The following CSNK1G3 variants were observed in gnomAD, a reference collection of about 807,000 sequenced individuals.
CSNK1G3 encodes the protein casein kinase I isoform gamma-3.
Under a neutral mutation model 64.3 loss-of-function variants are expected in CSNK1G3, and 23 were observed. The observed-to-expected ratio is 0.36, with a 90% CI of 0.26 to 0.51. CSNK1G3 has a LOEUF of 0.51. Among genes scored for constraint, CSNK1G3 ranks in the 20% least tolerant of loss-of-function variants. CSNK1G3 has a pLI of 0.96. For missense variants in CSNK1G3, 357 were observed against 510.5 expected (o/e 0.70, Z 2.90); for synonymous variants, 158 against 162.2 (o/e 0.97, Z 0.20).
intron 1 of CSNK1G3, among the ~76,000 whole-genome samples, chr5:123,531,775 T>C (rs1779974526): frequency 6.6e-6 from 1 of 151,942 alleles, no homozygotes; most frequent in Non-Finnish European, 1.5e-5. Context: ...ATATCTGTTA[T>C]TTTTAGTAGT....
Position 123,567,859 on chromosome 5 carries a change from C to T in CSNK1G3, c.290-5534C>T, listed in dbSNP as rs771762293. 6.6e-5 allele frequency among the ~76,000 whole-genome samples: 10 copies of T among 152,122 alleles called. No individual in the cohort carries two copies. In the East Asian group the frequency reaches 7.7e-4, roughly 12 times the overall value. On this transcript the variant is annotated intron_variant, in intron 4 of 12. Coordinates refer to ENST00000345990, the Ensembl canonical transcript of CSNK1G3. Reference sequence around the variant, plus strand: ...TTATTAATCAAAATAGGAACCATTACGGTCAACACATTTTTGCCAATAAGA... The same window carrying T: ...TTATTAATCAAAATAGGAACCATTATGGTCAACACATTTTTGCCAATAAGA...
chr5:123,601,240 A>G (rs1794446487), intron 10 of CSNK1G3, among the ~76,000 whole-genome samples: 1 of 152,208 alleles, frequency 6.6e-6, no homozygotes, highest in Non-Finnish European at 1.5e-5. Flanking sequence ...TATTATTTAC[A>G]GTAGTATATC....
At position 123,598,124 on chromosome 5, in the gene CSNK1G3, A is replaced by C. The variant is rs139034903; in HGVS notation, c.1087-6600A>C. ...TTTTTCCATTCACGAGACTAAGAAT[A>C]ATATTCAGATATCTACTACCTTTAT... On this transcript the variant is annotated intron_variant, in intron 10 of 12. Transcript: ENST00000345990. 5.9e-3 allele frequency among the ~76,000 whole-genome samples: 891 copies of C among 152,266 alleles called. 9 individuals are homozygous for C. The highest frequency in any genetic ancestry group is 0.021 in the African/African-American group (855 of 41,546).
intron 10 of CSNK1G3, among the ~76,000 whole-genome samples, chr5:123,603,894 T>C (rs920519499): frequency 6.6e-6 from 1 of 152,094 alleles, no homozygotes; most frequent in Non-Finnish European, 1.5e-5. Flanking sequence ...GGAATATAGA[T>C]TTTTTATTCT....
intron 1 of CSNK1G3, among the ~76,000 whole-genome samples, chr5:123,536,256 T>A (rs1422524217): frequency 1.3e-5 from 2 of 152,074 alleles, no homozygotes; most frequent in Non-Finnish European, 2.9e-5. Flanking sequence ...GGTATGGATA[T>A]CCCAAGGGAT....
chr5:123,527,113 T>C (rs2150050417), intron 1 of CSNK1G3, among the ~76,000 whole-genome samples: 1 of 152,282 alleles, frequency 6.6e-6, no homozygotes, highest in South Asian at 2.1e-4. Context: ...ACCAGCAATA[T>C]TGGGACAGTA....
intron 3 of CSNK1G3, among the ~76,000 whole-genome samples, chr5:123,554,902 T>C (rs1784348433): frequency 6.6e-6 from 1 of 152,224 alleles, no homozygotes; most frequent in Non-Finnish European, 1.5e-5. Context: ...GGCTGAGCTT[T>C]CCTTGTCTGT....
chr5:123,586,457 T>G (rs922056119), intron 6 of CSNK1G3, among the ~76,000 whole-genome samples: 4 of 152,228 alleles, frequency 2.6e-5, no homozygotes, highest in Non-Finnish European at 5.9e-5. Context: ...ATCCCCACTT[T>G]CATTAGTGGA....
intron 12 of CSNK1G3, among the ~76,000 whole-genome samples, chr5:123,607,813 C>T (rs1023197663): frequency 3.9e-5 from 6 of 152,182 alleles, no homozygotes; most frequent in Non-Finnish European, 7.3e-5. Flanking sequence ...AGGTAGGTTA[C>T]AGAAATCCTC....
intron 10 of CSNK1G3, among the ~76,000 whole-genome samples, chr5:123,595,432 T>C (rs1295136301): frequency 6.6e-6 from 1 of 152,132 alleles, no homozygotes; most frequent in Non-Finnish European, 1.5e-5. Context: ...GGTATTAAAC[T>C]TGACTTTCCA....
chr5:123,594,922 G>A lies in CSNK1G3; in HGVS notation c.1086+3508G>A, dbSNP rs555398112. ...GATAACTGCACCATGATTCAGAATA[G>A]TAAGGGTATTTTAAATTTCCTTTTA... On this transcript the variant is annotated intron_variant, in intron 10 of 12. Coordinates refer to ENST00000345990, the Ensembl canonical transcript of CSNK1G3. The A allele has an allele frequency of 4.4e-4, 328 of 748,372 alleles. 6 individuals carry two copies. In the South Asian group the frequency reaches 6.1e-3, roughly 14 times the overall value. 46.4% of individuals were successfully genotyped at this position (748,372 alleles called of 1,614,324 possible). A position where few individuals can be genotyped will look rare whatever the true frequency, so the allele number is the denominator to read the frequency against.
At chr5:123,611,623 T>G (rs907838169) in intron 12 of CSNK1G3, among the ~76,000 whole-genome samples, 5 of 152,224 alleles carry the variant, frequency 3.3e-5, no homozygotes, top group Admixed American at 1.3e-4. Flanking sequence ...CTTTGTCTTG[T>G]TCATCAAAAT....
intron 6 of CSNK1G3, among the ~76,000 whole-genome samples, chr5:123,586,203 C>T (rs1791294630): frequency 6.6e-6 from 1 of 152,138 alleles, no homozygotes; most frequent in African/African-American, 2.4e-5. Context: ...TTCATGTGCA[C>T]CTGTCTAATC....
At chr5:123,516,149 A>G (rs2149894866) in intron 1 of CSNK1G3, among the ~76,000 whole-genome samples, 1 of 152,076 alleles carries the variant, frequency 6.6e-6, no homozygotes, top group East Asian at 1.9e-4. Context: ...TTATGATGTA[A>G]TTTCTTCAGA....
At position 123,588,050 on chromosome 5, in the gene CSNK1G3, A is replaced by G. The variant is rs751923502; in HGVS notation, c.674-18A>G. On this transcript the variant is annotated intron_variant, in intron 6 of 12. Transcript: ENST00000345990. ...ACTGTTAGAGAAAAGTGAAATTTAT[A>G]TTTCTTTTGTATTTCAGAACAAAGT... The G allele has an allele frequency of 1.3e-4, 185 of 1,467,566 alleles. No homozygotes were observed. Among genetic ancestry groups the G allele is most frequent in the Non-Finnish European group, 1.6e-4 (173 of 1,075,214 alleles). The allele number at this position is 1,467,566 out of a possible 1,614,324, so 90.9% of individuals were successfully genotyped here.
chr5:123,532,005 A>T (rs550092560), intron 1 of CSNK1G3, among the ~76,000 whole-genome samples: 40 of 151,832 alleles, frequency 2.6e-4, no homozygotes, highest in Non-Finnish European at 5.0e-4. Context: ...TCTGTGAGGG[A>T]AATTTTCAGT....
At chr5:123,591,624 T>C (rs1414125851) in intron 10 of CSNK1G3, among the ~76,000 whole-genome samples, 2 of 152,086 alleles carry the variant, frequency 1.3e-5, no homozygotes, top group Non-Finnish European at 1.5e-5. Context: ...AGTGTAAACT[T>C]TTAGGAATAT....
chr5:123,578,671 T>G (rs1789641516), intron 6 of CSNK1G3, among the ~76,000 whole-genome samples: 1 of 151,956 alleles, frequency 6.6e-6, no homozygotes, highest in African/African-American at 2.4e-5. Flanking sequence ...CTAACAAATC[T>G]TTACCTTCAT....
At chr5:123,594,205 A>C (rs569768323) in intron 10 of CSNK1G3, among the ~76,000 whole-genome samples, 2 of 152,138 alleles carry the variant, frequency 1.3e-5, no homozygotes, top group Admixed American at 1.3e-4. Context: ...TCTTCTCCCT[A>C]CTTTTTATTA....
Sources: allele counts gnomAD v4.1 joint callset (sites outside exome capture counted in the v4.1 genomes callset), GRCh38; gene constraint gnomAD v4.1.1; transcripts MANE v1.5; gene names NCBI Gene and HGNC (gene_info 2026-07-23, HGNC 2026-07-21).